C2orf76: variants seen among roughly 807,000 people sequenced by gnomAD.
C2orf76 encodes UPF0538 protein C2orf76.
Under a neutral mutation model 16.9 loss-of-function variants are expected in C2orf76, and 23 were observed. The observed-to-expected ratio is 1.36, with a 90% CI of 0.98 to 1.93. The LOEUF is 1.93. C2orf76 is among the 30% of genes most tolerant of loss of function. The pLI is 0.00. For synonymous variants in C2orf76, 48 were observed against 52.3 expected (o/e 0.92, Z 0.35); for missense variants, 152 against 152.6 (o/e 1.00, Z 0.02).
intron 2 of C2orf76, among the ~76,000 whole-genome samples, chr2:119,324,931 A>G (rs35872060): frequency 0.26 from 39,890 of 152,148 alleles, 5,565 homozygotes; most frequent in Middle Eastern, 0.3. Context: ...TTACAAATAA[A>G]GCTGGGAACA....
intron 1 of C2orf76, among the ~76,000 whole-genome samples, chr2:119,344,011 T>G (rs1324789292): frequency 6.6e-6 from 1 of 152,222 alleles, no homozygotes; most frequent in Non-Finnish European, 1.5e-5. Flanking sequence ...CTTGCATTCC[T>G]CATGAAACTG....
In C2orf76 at chr2:119,304,539, A is replaced by T. The variant is rs1678715889; in HGVS notation, c.305-1991T>A. Among the ~76,000 whole-genome samples, 4 of 152,180 alleles carry T rather than the reference A, an allele frequency of 2.6e-5. No homozygotes were observed. In the South Asian group the frequency reaches 8.3e-4, roughly 31 times the overall value. On this transcript the variant is annotated intron_variant, in intron 5 of 5. Coordinates refer to ENST00000334816, the MANE Select transcript of C2orf76 (RefSeq NM_001322331.2). The stretch of plus-strand genomic sequence containing the variant: ...ATAAGGCATTTATGCTAGCTCTCAA[A>T]ATGAGAGTCTGCAGTGTAAAGATTT...
At chr2:119,294,830 G>A in the C2orf76 span, among the ~76,000 whole-genome samples, 5 of 152,312 alleles carry the variant, frequency 3.3e-5, no homozygotes, top group Non-Finnish European at 2.9e-5. Context: ...AGGTGCAGGT[G>A]TAGAAGGCGG....
chr2:119,346,898 C>T (rs954977839), intron 1 of C2orf76, among the ~76,000 whole-genome samples: 1 of 152,130 alleles, frequency 6.6e-6, no homozygotes, highest in African/African-American at 2.4e-5. Context: ...TATACTCAAG[C>T]AAGGTGTTGC....
chr2:119,302,569 G>GA, intron 5 of C2orf76, 21 bp from the exon 6 acceptor site: 8 of 1,444,918 alleles, frequency 5.5e-6, no homozygotes, highest in South Asian at 2.8e-5. Context: ...ACAGAAAATG[G>GA]AAAAAAAGAT....
In C2orf76 at chr2:119,323,189, A is replaced by ATT. The variant is rs57919303; in HGVS notation, c.134-1987_134-1986dup. Among the ~76,000 whole-genome samples the ATT allele has an allele frequency of 9.4e-3, 1,333 of 141,670 alleles. 30 individuals are homozygous for ATT. The highest frequency in any genetic ancestry group is 0.031 in the African/African-American group (1,197 of 38,526). The allele number at this position is 141,670 out of a possible 152,430, so 92.9% of individuals were successfully genotyped here. ...TCAGCACCATGCCCATAGTCCCGGC[A>ATT]TTTTTTTTTTTTTTAATAGACAGGT... On this transcript the variant is annotated intron_variant, in intron 2 of 5. Transcript: ENST00000334816.
chr2:119,289,194 G>A, the C2orf76 span, among the ~76,000 whole-genome samples: 1 of 151,988 alleles, frequency 6.6e-6, no homozygotes, highest in South Asian at 2.1e-4. Flanking sequence ...GCAAACACGG[G>A]GGCCTTAAGG....
the C2orf76 span, among the ~76,000 whole-genome samples, chr2:119,294,358 G>C: frequency 6.6e-6 from 1 of 152,198 alleles, no homozygotes; most frequent in African/African-American, 2.4e-5. Context: ...GGAGGAAAGA[G>C]GGTATGGAGA....
chr2:119,291,563 GGAAAT>G, the C2orf76 span, among the ~76,000 whole-genome samples: 1 of 151,926 alleles, frequency 6.6e-6, no homozygotes, highest in Non-Finnish European at 1.5e-5. Context: ...AGGCACCTCG[GGAAAT>G]GAAATGGGAA....
intron 1 of C2orf76, among the ~76,000 whole-genome samples, chr2:119,364,386 G>C (rs1250490554): frequency 6.6e-6 from 1 of 152,154 alleles, no homozygotes; most frequent in East Asian, 1.9e-4. Flanking sequence ...GCTGGGAGTG[G>C]TACAAAGAGA....
chr2:119,331,425 T>C (rs1393473656), intron 2 of C2orf76, among the ~76,000 whole-genome samples: 1 of 152,230 alleles, frequency 6.6e-6, no homozygotes, highest in Admixed American at 6.5e-5. Context: ...AGGTGGTTCT[T>C]TCCCAGGCTT....
chr2:119,346,006 GA>G (rs1342408189), intron 1 of C2orf76, among the ~76,000 whole-genome samples: 2 of 135,614 alleles, frequency 1.5e-5, no homozygotes, highest in Non-Finnish European at 3.0e-5. Context: ...AGTGAGCAGA[GA>G]TCGTGCCACT....
At chr2:119,351,797 A>G (rs1680415723) in intron 1 of C2orf76, among the ~76,000 whole-genome samples, 1 of 152,058 alleles carries the variant, frequency 6.6e-6, no homozygotes, top group African/African-American at 2.4e-5. Context: ...GTTTGACTTC[A>G]GCTGGGAATG....
At chr2:119,311,327 T>C (rs927886932) in intron 5 of C2orf76, 7 of 985,330 alleles carry the variant, frequency 7.1e-6, no homozygotes, top group African/African-American at 1.7e-5. Flanking sequence ...TAAGAGTAAG[T>C]AGACGTGGTA....
At chr2:119,336,512 G>A (rs1679851279) in intron 2 of C2orf76, among the ~76,000 whole-genome samples, 1 of 151,702 alleles carries the variant, frequency 6.6e-6, no homozygotes. Flanking sequence ...TGATGCTCTA[G>A]GGCTGTGATT....
chr2:119,321,803 C>A (rs1679351280), intron 2 of C2orf76, among the ~76,000 whole-genome samples: 1 of 151,760 alleles, frequency 6.6e-6, no homozygotes, highest in Non-Finnish European at 1.5e-5. Context: ...TTTCATTAGA[C>A]AACAGTATCT....
chr2:119,306,538 A>C (rs1678790228), intron 5 of C2orf76, among the ~76,000 whole-genome samples: 1 of 152,168 alleles, frequency 6.6e-6, no homozygotes, highest in Non-Finnish European at 1.5e-5. Context: ...AGAGTTACCC[A>C]GCCACAATTT....
chr2:119,329,225 G>A (rs1573648057), intron 2 of C2orf76, among the ~76,000 whole-genome samples: 1 of 152,108 alleles, frequency 6.6e-6, no homozygotes, highest in East Asian at 1.9e-4. Context: ...GTTGTTAGGT[G>A]CATCGTTATG....
chr2:119,360,756 TG>T (rs1680719582), intron 1 of C2orf76, among the ~76,000 whole-genome samples: 1 of 152,124 alleles, frequency 6.6e-6, no homozygotes, highest in African/African-American at 2.4e-5. Context: ...AAAGAGTGAA[TG>T]GTTAAACTCT....
Sources: allele counts gnomAD v4.1 joint callset (sites outside exome capture counted in the v4.1 genomes callset), GRCh38; gene constraint gnomAD v4.1.1; transcripts MANE v1.5; gene names NCBI Gene and HGNC (gene_info 2026-07-23, HGNC 2026-07-21).